The following LOC122539214 variants were observed in gnomAD, a reference collection of about 807,000 sequenced individuals.
the LOC122539214 span, among the ~76,000 whole-genome samples, chr19:52,682,936 T>G: frequency 6.6e-6 from 1 of 152,128 alleles, no homozygotes; most frequent in Non-Finnish European, 1.5e-5. Flanking sequence ...AGTGGCACCA[T>G]CTCGGATTAC....
At chr19:52,653,117 CA>C in the LOC122539214 span, 15 of 1,453,004 alleles carry the variant, frequency 1.0e-5, no homozygotes, top group Non-Finnish European at 1.3e-5. Context: ...GAATTTCGAG[CA>C]AAGGTCTTGC....
chr19:52,665,889 G>A, the LOC122539214 span, among the ~76,000 whole-genome samples: 3 of 151,994 alleles, frequency 2.0e-5, no homozygotes, highest in Non-Finnish European at 4.4e-5. Flanking sequence ...GGCCATGTGC[G>A]GTGGCTCACA....
chr19:52,679,730 C>G, the LOC122539214 span, among the ~76,000 whole-genome samples: 1 of 152,180 alleles, frequency 6.6e-6, no homozygotes, highest in South Asian at 2.1e-4. Context: ...CAGGGCGCCT[C>G]TGCCTAGAGC....
chr19:52,653,134 TCATGA>T, the LOC122539214 span: 4 of 1,468,490 alleles, frequency 2.7e-6, no homozygotes, highest in African/African-American at 5.6e-5. Flanking sequence ...CTTGCCACAC[TCATGA>T]CAGTTGTAAG....
chr19:52,667,625 T>TA, the LOC122539214 span, among the ~76,000 whole-genome samples: 1 of 152,184 alleles, frequency 6.6e-6, no homozygotes, highest in Admixed American at 6.5e-5. Flanking sequence ...ATGTTAATTG[T>TA]AAAGGAAATT....
the LOC122539214 span, among the ~76,000 whole-genome samples, chr19:52,665,296 G>C: frequency 6.6e-6 from 1 of 152,034 alleles, no homozygotes; most frequent in Non-Finnish European, 1.5e-5. Flanking sequence ...GGAGCCAGGA[G>C]TCCCAGCTAC....
At chr19:52,652,885 T>C in the LOC122539214 span, 354 of 1,063,058 alleles carry the variant, frequency 3.3e-4, 1 homozygote, top group African/African-American at 4.9e-3. Flanking sequence ...GCCACACTCA[T>C]TGCACTTGTA....
chr19:52,669,719 A>G, the LOC122539214 span, among the ~76,000 whole-genome samples: 1 of 152,198 alleles, frequency 6.6e-6, no homozygotes, highest in Non-Finnish European at 1.5e-5. Flanking sequence ...GGAAAAGAAT[A>G]GTAGCCTCAA....
At chr19:52,652,684 C>G in the LOC122539214 span, 2 of 600,902 alleles carry the variant, frequency 3.3e-6, no homozygotes, top group South Asian at 3.0e-5. Flanking sequence ...ATTTGCAATG[C>G]TTGTAGCATT....
chr19:52,656,555 A>C, the LOC122539214 span, among the ~76,000 whole-genome samples: 1 of 151,708 alleles, frequency 6.6e-6, no homozygotes, highest in Non-Finnish European at 1.5e-5. Context: ...TATATTGCAA[A>C]TAATGTGTTT....
At chr19:52,677,869 T>C in the LOC122539214 span, among the ~76,000 whole-genome samples, 3 of 151,500 alleles carry the variant, frequency 2.0e-5, no homozygotes, top group African/African-American at 7.3e-5. Context: ...CCATCTCTAC[T>C]AAAAAAATAC....
the LOC122539214 span, among the ~76,000 whole-genome samples, chr19:52,672,749 G>A: frequency 0.53 from 80,821 of 151,956 alleles, 22,419 homozygotes; most frequent in African/African-American, 0.63. Flanking sequence ...ATTGGTGCTC[G>A]CCATCATGCT....
chr19:52,650,575 A>G, the LOC122539214 span: 2 of 152,156 alleles, frequency 1.3e-5, no homozygotes, highest in Non-Finnish European at 2.9e-5. Flanking sequence ...TACTTTTCTA[A>G]TAGACTCAGG....
At chr19:52,670,221 C>T in the LOC122539214 span, among the ~76,000 whole-genome samples, 3 of 152,026 alleles carry the variant, frequency 2.0e-5, no homozygotes, top group Non-Finnish European at 4.4e-5. Context: ...TGACTCACTC[C>T]GATTACCTGC....
chr19:52,655,455 C>T, the LOC122539214 span: 5 of 1,050,208 alleles, frequency 4.8e-6, no homozygotes, highest in South Asian at 1.4e-5. Context: ...ATGACATGTA[C>T]ATCAAAAGCA....
chr19:52,663,510 C>T, the LOC122539214 span, among the ~76,000 whole-genome samples: 5 of 152,148 alleles, frequency 3.3e-5, no homozygotes, highest in Non-Finnish European at 7.3e-5. Context: ...CTTAGAGGCT[C>T]ACAGCTCACC....
At chr19:52,682,633 T>C in the LOC122539214 span, among the ~76,000 whole-genome samples, 5 of 151,210 alleles carry the variant, frequency 3.3e-5, no homozygotes, top group Non-Finnish European at 4.4e-5. Flanking sequence ...GCACCACTGC[T>C]CTCCAGCCTA....
At chr19:52,657,153 G>C in the LOC122539214 span, among the ~76,000 whole-genome samples, 7 of 152,014 alleles carry the variant, frequency 4.6e-5, no homozygotes, top group Middle Eastern at 0.02. Flanking sequence ...ATTGAATTAA[G>C]AGACAACTTC....
At chr19:52,689,810 C>T in the LOC122539214 span, among the ~76,000 whole-genome samples, 5 of 152,248 alleles carry the variant, frequency 3.3e-5, no homozygotes, top group South Asian at 2.1e-4. Context: ...GAGTAAGACG[C>T]CTGCATCCCG....
Sources: allele counts gnomAD v4.1 joint callset (sites outside exome capture counted in the v4.1 genomes callset), GRCh38; gene constraint gnomAD v4.1.1; transcripts MANE v1.5.